Variants in ARHGEF3 observed in about 807,000 individuals in gnomAD.
ARHGEF3 encodes 59.8 kDA protein.
A neutral mutation model predicts 63.2 loss-of-function variants in ARHGEF3; 28 were observed. The ratio of observed to expected loss-of-function variants is 0.44; its 90% CI spans 0.33 to 0.61. The LOEUF (loss-of-function observed/expected upper bound fraction) is 0.61. Ranked by LOEUF, ARHGEF3 falls within the 20% of genes least tolerant of loss-of-function variation. The pLI, the probability that ARHGEF3 is intolerant of heterozygous loss-of-function variation, is 0.03. For synonymous variants in ARHGEF3, 266 were observed against 254.2 expected (o/e 1.05, Z -0.44); for missense variants, 533 against 659.3 (o/e 0.81, Z 2.10).
intron 2 of ARHGEF3, among the ~76,000 whole-genome samples, chr3:56,967,872 T>A (rs1578980395): frequency 1.6e-5 from 1 of 61,696 alleles, no homozygotes; most frequent in South Asian, 5.2e-4. Flanking sequence ...ACATATATAA[T>A]ATATAATATA....
intron 2 of ARHGEF3, among the ~76,000 whole-genome samples, chr3:56,961,835 G>C (rs1206067629): frequency 2.6e-5 from 4 of 152,148 alleles, no homozygotes; most frequent in African/African-American, 9.7e-5. Flanking sequence ...TTGAAGGCAA[G>C]AGTTCAAGAC....
chr3:56,842,256 A>T (rs1337961421), intron 4 of ARHGEF3, among the ~76,000 whole-genome samples: 4 of 152,194 alleles, frequency 2.6e-5, no homozygotes, highest in Admixed American at 1.3e-4. Flanking sequence ...ATACATTTTT[A>T]TTTTAACAGT....
intron 2 of ARHGEF3, among the ~76,000 whole-genome samples, chr3:57,010,741 G>A (rs1284126307): frequency 2.0e-5 from 3 of 152,098 alleles, no homozygotes; most frequent in South Asian, 4.1e-4. Context: ...GGAGAACCAA[G>A]GACCCCAGTG....
intron 4 of ARHGEF3, among the ~76,000 whole-genome samples, chr3:56,862,861 T>A (rs1187827474): frequency 1.3e-5 from 2 of 152,212 alleles, no homozygotes; most frequent in Non-Finnish European, 2.9e-5. Flanking sequence ...TTAGGCTGTG[T>A]ACCCTGGGCT....
At position 56,884,946 on chromosome 3, in the gene ARHGEF3, T is replaced by C. The variant is rs558553270; in HGVS notation, c.130-2592A>G. 9.8e-5 allele frequency among the ~76,000 whole-genome samples: 15 copies of C among 152,350 alleles called. No individual in the cohort carries two copies. In the East Asian group the frequency reaches 2.9e-3, roughly 29 times the overall value. On this transcript the variant is annotated intron_variant, in intron 3 of 12. Transcript: ENST00000338458. ...AAGTTACATGGTTACAGCGTAACAC[T>C]CTGAATCCAGGATTCTAATTCCTAG... is the stretch of plus-strand genomic sequence containing the variant.
intron 3 of ARHGEF3, chr3:56,916,207 G>C (rs2041983764): frequency 1.4e-6 from 2 of 1,410,696 alleles, no homozygotes; most frequent in Non-Finnish European, 9.4e-7. Context: ...AAGGTAAAGA[G>C]AACACTGCAT....
intron 1 of ARHGEF3, among the ~76,000 whole-genome samples, chr3:57,049,312 T>C (rs2107295835): frequency 6.6e-6 from 1 of 152,240 alleles, no homozygotes; most frequent in South Asian, 2.1e-4. Flanking sequence ...GAGGTTGCCG[T>C]AGGCTATGAT....
chr3:56,751,448 A>G, intron 4 of ARHGEF3, 52 bp from the exon 5 acceptor site: 1 of 1,501,960 alleles, frequency 6.7e-7, no homozygotes, highest in Non-Finnish European at 9.2e-7. Flanking sequence ...CAGAGGAAGT[A>G]CATTGTTCAT....
At chr3:56,893,258 G>T (rs1417480570) in intron 3 of ARHGEF3, among the ~76,000 whole-genome samples, 1 of 152,108 alleles carries the variant, frequency 6.6e-6, no homozygotes, top group African/African-American at 2.4e-5. Context: ...GCTCACTGCA[G>T]CCTCGAACTC....
At chr3:56,783,174 C>T (rs1054775787) in intron 1 of ARHGEF3, among the ~76,000 whole-genome samples, 1 of 152,112 alleles carries the variant, frequency 6.6e-6, no homozygotes, top group Admixed American at 6.5e-5. Context: ...TCCTATAAAA[C>T]ACAAATTAAA....
chr3:56,730,826 G>A (rs1268661038), intron 9 of ARHGEF3, among the ~76,000 whole-genome samples: 1 of 152,128 alleles, frequency 6.6e-6, no homozygotes, highest in Non-Finnish European at 1.5e-5. Context: ...ACTTCCAATG[G>A]CTTAGAGGCT....
At chr3:56,918,098 G>C (rs2042031732) in intron 3 of ARHGEF3, among the ~76,000 whole-genome samples, 1 of 152,196 alleles carries the variant, frequency 6.6e-6, no homozygotes, top group South Asian at 2.1e-4. Context: ...AAGGCGTCTT[G>C]TTCCAGCCTC....
intron 4 of ARHGEF3, among the ~76,000 whole-genome samples, chr3:56,830,292 G>A (rs2038885903): frequency 6.6e-6 from 1 of 152,080 alleles, no homozygotes; most frequent in Non-Finnish European, 1.5e-5. Flanking sequence ...TGCTGATGAT[G>A]ATAGGGAGGC....
intron 4 of ARHGEF3, among the ~76,000 whole-genome samples, chr3:56,855,598 G>A (rs956346271): frequency 2.0e-5 from 3 of 151,496 alleles, no homozygotes; most frequent in East Asian, 1.9e-4. Flanking sequence ...CAGGAGAATC[G>A]CTTGAACCTG....
chr3:56,845,073 G>T (rs992213945), intron 4 of ARHGEF3, among the ~76,000 whole-genome samples: 2 of 152,190 alleles, frequency 1.3e-5, no homozygotes, highest in African/African-American at 4.8e-5. Context: ...TGGAGCTGAA[G>T]GTGGCCTCCA....
chr3:56,834,460 T>C (rs910576896), intron 4 of ARHGEF3, among the ~76,000 whole-genome samples: 2 of 152,270 alleles, frequency 1.3e-5, no homozygotes, highest in African/African-American at 2.4e-5. Flanking sequence ...ATACTATGTA[T>C]GTATTCAGAA....
At chr3:56,890,254 C>A (rs914436621) in intron 3 of ARHGEF3, among the ~76,000 whole-genome samples, 12 of 152,168 alleles carry the variant, frequency 7.9e-5, no homozygotes, top group African/African-American at 2.9e-4. Flanking sequence ...TTCCTTCATT[C>A]ACTCAACAAA....
chr3:56,967,941 A>G (rs1288845699), intron 2 of ARHGEF3, among the ~76,000 whole-genome samples: 3 of 62,720 alleles, frequency 4.8e-5, no homozygotes, highest in African/African-American at 1.3e-4. Context: ...TATAAAATAT[A>G]TTATATATTA....
chr3:56,862,498 T>C (rs952372945), intron 4 of ARHGEF3, among the ~76,000 whole-genome samples: 2 of 152,164 alleles, frequency 1.3e-5, no homozygotes, highest in Non-Finnish European at 1.5e-5. Flanking sequence ...GCTGCTCTTG[T>C]TTCAATTTGT....
Sources: allele counts gnomAD v4.1 joint callset (sites outside exome capture counted in the v4.1 genomes callset), GRCh38; gene constraint gnomAD v4.1.1; transcripts MANE v1.5; gene names NCBI Gene and HGNC (gene_info 2026-07-23, HGNC 2026-07-21).